IKZF2: variants seen among roughly 807,000 people sequenced by gnomAD.
IKZF2 encodes the protein IKAROS family zinc finger 2.
In IKZF2, 15 loss-of-function variants were observed where a neutral mutation model predicts 49.2. That is an observed-to-expected ratio of 0.30 (90% CI 0.20 to 0.47). The LOEUF is 0.47. Among genes scored for constraint, IKZF2 ranks in the 20% least tolerant of loss-of-function variants. IKZF2 has a pLI of 1.00. For synonymous variants in IKZF2, 227 were observed against 221.4 expected, an observed-to-expected ratio of 1.03 and a Z score of -0.23; for missense variants, 567 against 664.6, an observed-to-expected ratio of 0.85 and a Z score of 1.61.
At chr2:213,085,663 G>C (rs781167018) in intron 4 of IKZF2, among the ~76,000 whole-genome samples, 5 of 152,172 alleles carry the variant, frequency 3.3e-5, no homozygotes, top group Non-Finnish European at 5.9e-5. Flanking sequence ...ACTGACCTGA[G>C]AAAAACACCT....
intron 4 of IKZF2, among the ~76,000 whole-genome samples, chr2:213,135,601 C>G (rs1180882328): frequency 1.3e-5 from 2 of 151,592 alleles, no homozygotes; most frequent in Non-Finnish European, 2.9e-5. Flanking sequence ...GAGAAGATTG[C>G]TTGAGCCCAG....
chr2:213,048,484 C>T (rs79206303), intron 6 of IKZF2, among the ~76,000 whole-genome samples: 1,944 of 152,026 alleles, frequency 0.013, 45 homozygotes, highest in African/African-American at 0.044. Flanking sequence ...AATGGAAATG[C>T]CTATCATGTC....
chr2:213,056,501 T>A (rs967144154), intron 5 of IKZF2: 2 of 401,934 alleles, frequency 5.0e-6, no homozygotes, highest in African/African-American at 4.1e-5. Context: ...TACCTGCCCA[T>A]GGGTATGGTA....
intron 4 of IKZF2, among the ~76,000 whole-genome samples, chr2:213,074,986 G>A (rs1703101406): frequency 6.6e-6 from 1 of 152,132 alleles, no homozygotes; most frequent in African/African-American, 2.4e-5. Context: ...TTTCAACTAT[G>A]TGTGTACTTT....
At chr2:213,031,824 AT>A (rs1698465747) in intron 6 of IKZF2, among the ~76,000 whole-genome samples, 1 of 152,352 alleles carries the variant, frequency 6.6e-6, no homozygotes, top group East Asian at 1.9e-4. Context: ...TGTTAAAAAT[AT>A]ATACATATCA....
chr2:213,130,069 T>C (rs1379275712), intron 4 of IKZF2, among the ~76,000 whole-genome samples: 2 of 152,190 alleles, frequency 1.3e-5, no homozygotes, highest in African/African-American at 4.8e-5. Flanking sequence ...TGGCAGCTAT[T>C]GATTGTAACA....
intron 4 of IKZF2, among the ~76,000 whole-genome samples, chr2:213,122,954 AG>A (rs1476829721): frequency 2.6e-5 from 4 of 152,250 alleles, no homozygotes; most frequent in Non-Finnish European, 5.9e-5. Context: ...TAGATTGCTA[AG>A]GTGCACATAT....
At chr2:213,029,118 G>T (rs1698133518) in intron 6 of IKZF2, among the ~76,000 whole-genome samples, 1 of 151,972 alleles carries the variant, frequency 6.6e-6, no homozygotes, top group Non-Finnish European at 1.5e-5. Context: ...ATACCGTTAT[G>T]CAGTATTTTT....
rs1299481184 is a variant in IKZF2 at position 213,148,669 on chromosome 2, T to C, written c.-15-25A>G. ...GCTGCAAAACAAAAGATTATACCCT[T>C]AATACAATGATTCCTTTCAGTATCT... On this transcript the variant is annotated intron_variant, in intron 2 of 8. Transcript: ENST00000434687. 4.4e-6 allele frequency: 7 copies of C among 1,583,336 alleles called. No homozygotes were observed. The African/African-American group carries it at 5.4e-5, about 12-fold the overall frequency.
intron 4 of IKZF2, among the ~76,000 whole-genome samples, chr2:213,101,082 T>C (rs1055655105): frequency 6.6e-6 from 1 of 151,874 alleles, no homozygotes; most frequent in African/African-American, 2.4e-5. Flanking sequence ...CTAAACAAAA[T>C]CACCTATTTT....
intron 4 of IKZF2, among the ~76,000 whole-genome samples, chr2:213,141,600 C>T (rs931000733): frequency 3.9e-5 from 6 of 151,954 alleles, no homozygotes; most frequent in Non-Finnish European, 7.4e-5. Flanking sequence ...CTTCCAGTTA[C>T]TCCTAAATCC....
chr2:213,087,425 AAGTTGTTTTATTTACATT>A (rs1054117038), intron 4 of IKZF2, among the ~76,000 whole-genome samples: 5 of 152,140 alleles, frequency 3.3e-5, no homozygotes, highest in Non-Finnish European at 5.9e-5. Context: ...TAAAAAGAAA[AAGTTGTTTTATTTACATT>A]AGTGTGTGTG....
At chr2:213,136,010 C>T (rs1263217075) in intron 4 of IKZF2, among the ~76,000 whole-genome samples, 1 of 141,658 alleles carries the variant, frequency 7.1e-6, no homozygotes, top group African/African-American at 2.7e-5. Flanking sequence ...GATCGCGCCA[C>T]GGCACTCCAG....
chr2:213,070,271 G>C (rs937543494), intron 4 of IKZF2, among the ~76,000 whole-genome samples: 1 of 152,124 alleles, frequency 6.6e-6, no homozygotes, highest in African/African-American at 2.4e-5. Flanking sequence ...ATGGGAAAGA[G>C]ATGCCCATTA....
intron 4 of IKZF2, among the ~76,000 whole-genome samples, chr2:213,088,218 T>A (rs181913916): frequency 2.1e-3 from 316 of 152,328 alleles, no homozygotes; most frequent in Non-Finnish European, 3.5e-3. Context: ...TGAGATGGTA[T>A]CTCATTGTGG....
intron 4 of IKZF2, among the ~76,000 whole-genome samples, chr2:213,079,418 T>A (rs1305849516): frequency 2.6e-5 from 1 of 38,990 alleles, no homozygotes; most frequent in African/African-American, 1.6e-4. Context: ...GAAGGAAGCA[T>A]GGAAGGAAGG....
intron 4 of IKZF2, 90 bp from the exon 5 acceptor site, chr2:213,057,189 T>C: frequency 1.8e-6 from 2 of 1,103,082 alleles, no homozygotes; most frequent in Non-Finnish European, 2.6e-6. Flanking sequence ...TCCTACTAAA[T>C]GGATGAAAAT....
In IKZF2 at chr2:213,147,718, G is replaced by A. The variant is rs200213123; in HGVS notation, c.129C>T (p.His43=). 1.4e-5 allele frequency: 22 copies of A among 1,612,760 alleles called. No individual in the cohort carries two copies. The highest frequency in any genetic ancestry group is 6.7e-5 in the African/African-American group (5 of 75,012). The change falls in exon 4 of 9, where the codon CAC becomes CAT. Residue 43 remains histidine (H), a synonymous_variant. Coordinates refer to ENST00000434687, the MANE Select transcript of IKZF2 (RefSeq NM_001387220.1). ...TPNGQHASPS[H]MTSTNSVKLE... ...AAAATGAAGACTTACTGCTTGTCAT[G>A]TGACTTGGTGAGGCATGCTGTCCAT... is the stretch of plus-strand genomic sequence containing the variant.
At chr2:213,038,511 T>C (rs187293862) in intron 6 of IKZF2, among the ~76,000 whole-genome samples, 121 of 152,136 alleles carry the variant, frequency 8.0e-4, no homozygotes, top group Non-Finnish European at 1.5e-3. Flanking sequence ...AGCTATCCCA[T>C]CTTATACAAA....
Sources: allele counts gnomAD v4.1 joint callset (sites outside exome capture counted in the v4.1 genomes callset), GRCh38; gene constraint gnomAD v4.1.1; transcripts MANE v1.5; gene names NCBI Gene and HGNC (gene_info 2026-07-23, HGNC 2026-07-21).